FTO: variants seen among roughly 807,000 people sequenced by gnomAD.
FTO encodes the protein FTO alpha-ketoglutarate dependent dioxygenase, also known as alpha-ketoglutarate-dependent dioxygenase FTO.
In FTO, 47 loss-of-function variants were observed where a neutral mutation model predicts 63.9. The observed-to-expected ratio is 0.74, with a 90% CI of 0.58 to 0.94. The LOEUF (loss-of-function observed/expected upper bound fraction) is 0.94. Ranked by LOEUF, FTO falls within the 40% of genes least tolerant of loss-of-function variation. The pLI is 0.00. For missense variants in FTO, 562 were observed against 618.1 expected, an observed-to-expected ratio of 0.91 and a Z score of 0.96; for synonymous variants, 207 against 224.4, an observed-to-expected ratio of 0.92 and a Z score of 0.69.
At chr16:53,875,322 T>C (rs1369232568) in intron 5 of FTO, among the ~76,000 whole-genome samples, 1 of 152,126 alleles carries the variant, frequency 6.6e-6, no homozygotes. Flanking sequence ...ACAGTCTCAT[T>C]AGTGCTGGGT....
intron 8 of FTO, among the ~76,000 whole-genome samples, chr16:53,943,376 G>A (rs1162314473): frequency 6.6e-6 from 1 of 152,212 alleles, no homozygotes; most frequent in Non-Finnish European, 1.5e-5. Flanking sequence ...CAACACATGG[G>A]CTTTAGCATG....
chr16:53,787,487 A>G (rs768582631), intron 1 of FTO, among the ~76,000 whole-genome samples: 13 of 151,922 alleles, frequency 8.6e-5, no homozygotes, highest in Non-Finnish European at 1.6e-4. Flanking sequence ...TTAAGTATGG[A>G]TATCCCTGTT....
intron 1 of FTO, among the ~76,000 whole-genome samples, chr16:53,707,780 G>A (rs944295758): frequency 6.6e-6 from 1 of 152,132 alleles, no homozygotes; most frequent in South Asian, 2.1e-4. Flanking sequence ...GGACTCAATG[G>A]TTGGTAGCAT....
At chr16:53,854,068 A>C (rs1454969717) in intron 4 of FTO, among the ~76,000 whole-genome samples, 1 of 151,988 alleles carries the variant, frequency 6.6e-6, no homozygotes, top group African/African-American at 2.4e-5. Context: ...TTCTTTGATG[A>C]TATGTGATAT....
chr16:53,951,419 G>C (rs983498136), intron 8 of FTO, among the ~76,000 whole-genome samples: 8 of 152,226 alleles, frequency 5.3e-5, no homozygotes, highest in South Asian at 4.2e-4. Flanking sequence ...TAATTTTGGT[G>C]GTGGGTTTCT....
chr16:53,859,847 A>C (rs906090535), intron 4 of FTO, among the ~76,000 whole-genome samples: 2 of 152,208 alleles, frequency 1.3e-5, no homozygotes, highest in Non-Finnish European at 1.5e-5. Flanking sequence ...GGGAGTGTAA[A>C]TTGGTATAGC....
chr16:53,795,547 C>A (rs2078040125), intron 1 of FTO, among the ~76,000 whole-genome samples: 1 of 152,096 alleles, frequency 6.6e-6, no homozygotes. Context: ...TCAAGCCATC[C>A]ACCTGAGGTC....
At chr16:53,954,216 G>A (rs2082867528) in intron 8 of FTO, among the ~76,000 whole-genome samples, 1 of 152,238 alleles carries the variant, frequency 6.6e-6, no homozygotes, top group East Asian at 1.9e-4. Context: ...TCTCGAGAAT[G>A]AGGAGTTAGT....
intron 7 of FTO, among the ~76,000 whole-genome samples, chr16:53,892,135 T>C (rs2038478327): frequency 6.6e-6 from 1 of 152,282 alleles, no homozygotes; most frequent in South Asian, 2.1e-4. Flanking sequence ...TGGATGAATC[T>C]ACGGTTCTGT....
At chr16:53,810,797 T>C (rs1419576028) in intron 2 of FTO, among the ~76,000 whole-genome samples, 1 of 152,210 alleles carries the variant, frequency 6.6e-6, no homozygotes, top group African/African-American at 2.4e-5. Context: ...CATGGCTAAA[T>C]CCAACTTTAC....
At chr16:54,024,119 T>C (rs1334541247) in intron 8 of FTO, among the ~76,000 whole-genome samples, 4 of 152,212 alleles carry the variant, frequency 2.6e-5, no homozygotes, top group Admixed American at 2.0e-4. Context: ...ATTAGATGGT[T>C]TCTCTTGAAT....
At chr16:53,889,401 G>A (rs1380619363) in intron 7 of FTO, among the ~76,000 whole-genome samples, 1 of 152,176 alleles carries the variant, frequency 6.6e-6, no homozygotes, top group African/African-American at 2.4e-5. Context: ...TGAGTAAGTG[G>A]CACAGCAAGG....
chr16:53,737,581 G>A (rs189053357), intron 1 of FTO, among the ~76,000 whole-genome samples: 5 of 152,326 alleles, frequency 3.3e-5, no homozygotes, highest in African/African-American at 1.2e-4. Flanking sequence ...TGTTGTATAT[G>A]CGGTCCGTTG....
chr16:54,061,208 T>C (rs1164881658), intron 8 of FTO, among the ~76,000 whole-genome samples: 1 of 152,220 alleles, frequency 6.6e-6, no homozygotes, highest in African/African-American at 2.4e-5. Flanking sequence ...CGTTTAGCAG[T>C]GATGACAGAA....
chr16:53,837,506 T>C (rs2079333245), intron 3 of FTO, among the ~76,000 whole-genome samples: 1 of 152,172 alleles, frequency 6.6e-6, no homozygotes, highest in Non-Finnish European at 1.5e-5. Context: ...GAATGATTAG[T>C]TTGTTTTTTT....
At chr16:53,808,113 G>C (rs2078419132) in intron 1 of FTO, among the ~76,000 whole-genome samples, 1 of 152,054 alleles carries the variant, frequency 6.6e-6, no homozygotes, top group Non-Finnish European at 1.5e-5. Flanking sequence ...CAGATCATTT[G>C]AGCCCAGGGG....
intron 1 of FTO, among the ~76,000 whole-genome samples, chr16:53,790,241 A>T (rs1406168245): frequency 6.6e-6 from 1 of 152,008 alleles, no homozygotes; most frequent in Non-Finnish European, 1.5e-5. Flanking sequence ...CTTTTCCAGC[A>T]GCCCATACTG....
chr16:53,865,660 C>A (rs1335657618), intron 4 of FTO, among the ~76,000 whole-genome samples: 1 of 152,078 alleles, frequency 6.6e-6, no homozygotes, highest in Non-Finnish European at 1.5e-5. Flanking sequence ...TCGTCTCCTC[C>A]CCTGTCTCTG....
chr16:53,862,201 T>C (rs998334569), intron 4 of FTO, among the ~76,000 whole-genome samples: 69 of 152,100 alleles, frequency 4.5e-4, no homozygotes, highest in Admixed American at 2.9e-3. Context: ...TGAGCTGAGA[T>C]TGTGCCACTG....
Sources: allele counts gnomAD v4.1 joint callset (sites outside exome capture counted in the v4.1 genomes callset), GRCh38; gene constraint gnomAD v4.1.1; transcripts MANE v1.5; gene names NCBI Gene and HGNC (gene_info 2026-07-23, HGNC 2026-07-21).